The following RGP1 variants were observed in gnomAD, a reference collection of about 807,000 sequenced individuals.
The protein encoded by RGP1 is RAB6A-GEF complex partner protein 2.
A neutral mutation model predicts 44.5 loss-of-function variants in RGP1; 28 were observed. That is an observed-to-expected ratio of 0.63 (90% CI 0.47 to 0.86). The LOEUF (loss-of-function observed/expected upper bound fraction) is 0.86. Among genes scored for constraint, RGP1 ranks in the 40% least tolerant of loss-of-function variants. RGP1 has a pLI of 0.00. For synonymous variants in RGP1, 212 were observed against 196.7 expected (o/e 1.08, Z -0.65); for missense variants, 417 against 490.7 (o/e 0.85, Z 1.42).
At chr9:35,759,401 A>G (rs1307055873), downstream of RGP1, among the ~76,000 whole-genome samples, 2 of 151,732 alleles carry the variant, frequency 1.3e-5, no homozygotes, top group East Asian at 3.9e-4. Flanking sequence ...CCTGTCTCTA[A>G]AAATACAAAA....
chr9:35,752,808 G>T lies in RGP1; in HGVS notation c.1110G>T (p.Leu370=), dbSNP rs1827289399. The change falls in exon 9 of 9, where the codon CTG becomes CTT. Residue 370 remains leucine, a synonymous_variant. Coordinates refer to ENST00000378078, the MANE Select transcript of RGP1 (RefSeq NM_001080496.3). Reference sequence around the variant, plus strand: ...GCTGGGACCTGCCCATCAAGGTGCTGCCTACTAGCCCCACCCTGGCCTCAT... The same window carrying T: ...GCTGGGACCTGCCCATCAAGGTGCTTCCTACTAGCCCCACCCTGGCCTCAT... ...TFSWDLPIKV[L]PTSPTLASYA... is the part of the protein sequence containing the mutation. 1.9e-6 allele frequency: 3 copies of T among 1,613,848 alleles called. No homozygotes were observed. Among genetic ancestry groups the T allele is most frequent in the Non-Finnish European group, 2.5e-6 (3 of 1,179,854 alleles).
Position 35,753,362 on chromosome 9 carries a change from T to A in RGP1, c.*488T>A. On this transcript the variant is annotated 3_prime_UTR_variant, in exon 9 of 9. Coordinates refer to ENST00000378078, the MANE Select transcript of RGP1 (RefSeq NM_001080496.3). The surrounding 1 kb of genome is among the most constrained non-coding windows in gnomAD (Gnocchi z 4.2). The stretch of plus-strand genomic sequence containing the variant: ...TGCCCACATGTTCCCTCTCTCACAG[T>A]TTTCCCCCCACAGAGCCCCTTTCAG... The A allele has an allele frequency of 6.7e-7, 1 of 1,487,286 alleles. No homozygotes were observed. The highest frequency in any genetic ancestry group is 2.3e-5 in the East Asian group (1 of 43,360). The allele number at this position is 1,487,286 out of a possible 1,614,324, so 92.1% of individuals were successfully genotyped here. A position where few individuals can be genotyped will look rare whatever the true frequency, so the allele number is the denominator to read the frequency against.
the RGP1 span, chr9:35,790,408 A>C: frequency 6.5e-6 from 1 of 153,734 alleles, no homozygotes; most frequent in Non-Finnish European, 1.5e-5. Context: ...GCCGGTGTTC[A>C]ATAAATATCG....
At chr9:35,750,810 T>G in intron 4 of RGP1, 30 bp from the exon 5 acceptor site, 1 of 1,613,996 alleles carries the variant, frequency 6.2e-7, no homozygotes. Flanking sequence ...CTGGTGCCTC[T>G]GGCTGTCCTG....
At chr9:35,782,772 A>G in the RGP1 span, among the ~76,000 whole-genome samples, 1 of 149,976 alleles carries the variant, frequency 6.7e-6, no homozygotes, top group South Asian at 2.1e-4. Flanking sequence ...TAACTATTTT[A>G]TTGAATAAAG....
chr9:35,762,527 AT>A (rs1005536728), downstream of RGP1, among the ~76,000 whole-genome samples: 4 of 152,200 alleles, frequency 2.6e-5, no homozygotes, highest in African/African-American at 9.6e-5. Context: ...GGAAAAGTCA[AT>A]TCGCCCTTTT....
downstream of RGP1, among the ~76,000 whole-genome samples, chr9:35,759,445 C>G (rs1242667516): frequency 2.6e-5 from 4 of 151,414 alleles, no homozygotes; most frequent in Non-Finnish European, 5.9e-5. Context: ...TCCTGTAATC[C>G]CAGCTACTCT....
Position 35,754,029 on chromosome 9 carries a change from ACTC to A in RGP1, c.*1158_*1160del. 6.2e-7 allele frequency: 1 copy of A among 1,613,254 alleles called. No individual in the cohort carries two copies. Among genetic ancestry groups the A allele is most frequent in the East Asian group, 2.2e-5 (1 of 44,844 alleles). On this transcript the variant is annotated 3_prime_UTR_variant, in exon 9 of 9. Transcript: ENST00000378078. ...AGCTTGGAAGTAGCACTTGCTGTAG[ACTC>A]CTGGGTGCTGGAGGAGTAGAGACAT...
At chr9:35,782,230 A>G in the RGP1 span, among the ~76,000 whole-genome samples, 1 of 152,118 alleles carries the variant, frequency 6.6e-6, no homozygotes, top group South Asian at 2.1e-4. Flanking sequence ...TGTATTATCT[A>G]TGCATTTTAT....
intron 8 of RGP1, 76 bp from the exon 9 acceptor site, chr9:35,752,575 C>A: frequency 8.2e-7 from 1 of 1,214,928 alleles, no homozygotes; most frequent in Middle Eastern, 1.9e-4. Context: ...TCTTCTCATT[C>A]ACTAACTATA....
Position 35,752,844 on chromosome 9 carries a change from A to T in RGP1, c.1146A>T (p.Pro382=), listed in dbSNP as rs768943301. The T allele has an allele frequency of 2.5e-6, 4 of 1,613,710 alleles. No homozygotes were observed. The South Asian group carries it at 4.4e-5, about 18-fold the overall frequency. The stretch of plus-strand genomic sequence containing the variant: ...CCACCCTGGCCTCATATGCTGCCCC[A>T]GGCCCCAGCACCAGCACCATAACCA... ...TSPTLASYAA[P]GPSTSTITI The change falls in exon 9 of 9, where the codon CCA becomes CCT. Residue 382 remains proline, a synonymous_variant. Coordinates refer to ENST00000378078, the MANE Select transcript of RGP1 (RefSeq NM_001080496.3).
chr9:35,750,570 G>A (rs1588034731), intron 3 of RGP1, 88 bp from the exon 4 acceptor site: 10 of 1,445,348 alleles, frequency 6.9e-6, no homozygotes, highest in Middle Eastern at 1.7e-4. Context: ...GGAGGGCCTG[G>A]CAGCCTTTCA....
In RGP1 at chr9:35,753,104, C is replaced by G; in HGVS notation, c.*230C>G. 6.2e-7 allele frequency: 1 copy of G among 1,613,472 alleles called. No homozygotes were observed. Among genetic ancestry groups the G allele is most frequent in the Non-Finnish European group, 8.5e-7 (1 of 1,179,506 alleles). On this transcript the variant is annotated 3_prime_UTR_variant, in exon 9 of 9. Coordinates refer to ENST00000378078, the MANE Select transcript of RGP1 (RefSeq NM_001080496.3). The surrounding 1 kb of genome is among the most constrained non-coding windows in gnomAD (Gnocchi z 4.2). ...CAGATGGATGATCAGTTGAGTTTAGCTGGAGTGGGGAGCAGGAGCCCCAGG... is the reference window on the plus strand; with the variant it reads ...CAGATGGATGATCAGTTGAGTTTAGGTGGAGTGGGGAGCAGGAGCCCCAGG...
the RGP1 span, among the ~76,000 whole-genome samples, chr9:35,771,928 C>T: frequency 6.6e-6 from 1 of 152,162 alleles, no homozygotes; most frequent in East Asian, 1.9e-4. Context: ...GCTTTGCTCA[C>T]TTTTTTTCTA....
chr9:35,788,538 C>A, the RGP1 span, among the ~76,000 whole-genome samples: 1 of 151,086 alleles, frequency 6.6e-6, no homozygotes, highest in Non-Finnish European at 1.5e-5. Context: ...TACATTCCAG[C>A]CTGAGTAACA....
rs1046971585 is a variant in RGP1, at chr9:35,755,260, G to C, written c.*2386G>C. The C allele has an allele frequency of 2.6e-5, 4 of 152,214 alleles. No homozygotes were observed. Among genetic ancestry groups the C allele is most frequent in the African/African-American group, 9.7e-5 (4 of 41,448 alleles). The allele number at this position is 152,214 out of a possible 1,614,324, so 9.4% of individuals were successfully genotyped here. A position where few individuals can be genotyped will look rare whatever the true frequency, so the allele number is the denominator to read the frequency against. ...GTTATGAGGATTACTGAGATAATGC[G>C]TGCAGTGCTCTTATCACCATCTCTG... is the stretch of plus-strand genomic sequence containing the variant. On this transcript the variant is annotated 3_prime_UTR_variant, in exon 9 of 9. Coordinates refer to ENST00000378078, the MANE Select transcript of RGP1 (RefSeq NM_001080496.3).
chr9:35,790,291 C>T, the RGP1 span: 1 of 153,914 alleles, frequency 6.5e-6, no homozygotes. Context: ...TAGGGACGGC[C>T]TGCTCTTGGC....
chr9:35,781,992 T>TG, the RGP1 span, among the ~76,000 whole-genome samples: 4 of 145,890 alleles, frequency 2.7e-5, no homozygotes, highest in Admixed American at 2.7e-4. Flanking sequence ...CGTTTTTTTT[T>TG]TTTTTTTTTT....
chr9:35,779,996 C>G, the RGP1 span, among the ~76,000 whole-genome samples: 1 of 152,184 alleles, frequency 6.6e-6, no homozygotes, highest in Non-Finnish European at 1.5e-5. Flanking sequence ...CCTCAGCCTT[C>G]CAATGCCTTG....
Sources: gnomAD v4.1 joint callset for allele counts (sites outside exome capture counted in the v4.1 genomes callset) on GRCh38, gnomAD v4.1.1 for gene constraint, Gnocchi (gnomAD v3.1) non-coding constraint, MANE v1.5 for transcripts, NCBI Gene and HGNC (gene_info 2026-07-23, HGNC 2026-07-21) for gene names.